The following SOX6 variants were observed in gnomAD, a reference collection of about 807,000 sequenced individuals.
SOX6 encodes SRY-box transcription factor 6, also known as transcription factor SOX-6.
A neutral mutation model predicts 97.8 loss-of-function variants in SOX6; 11 were observed. That is an observed-to-expected ratio of 0.11 (90% CI 0.07 to 0.19). The LOEUF is 0.19. Ranked by LOEUF, SOX6 falls within the 10% of genes least tolerant of loss-of-function variation. The pLI is 1.00. For missense variants in SOX6, 810 were observed against 1,039.5 expected (o/e 0.78, Z 3.04); for synonymous variants, 360 against 371.4 (o/e 0.97, Z 0.35).
At chr11:16,259,947 G>A (rs4291643) in intron 3 of SOX6, among the ~76,000 whole-genome samples, 321 of 5,708 alleles carry the variant, frequency 0.056, 4 homozygotes, top group Non-Finnish European at 0.11. Flanking sequence ...TCCCAAATAT[G>A]TGTGTGTGTG....
chr11:16,642,720 T>G (rs1008408512), intron 3 of SOX6, among the ~76,000 whole-genome samples: 9 of 152,252 alleles, frequency 5.9e-5, no homozygotes, highest in African/African-American at 2.2e-4. Context: ...TATTGAAGCA[T>G]GTGCATTTGT....
At chr11:16,327,730 C>A (rs1856146095) in intron 2 of SOX6, among the ~76,000 whole-genome samples, 2 of 151,926 alleles carry the variant, frequency 1.3e-5, no homozygotes, top group South Asian at 4.2e-4. Flanking sequence ...GCTGGGGTTG[C>A]AAAAGTCAGA....
At chr11:16,504,776 T>C (rs1367184111) in intron 4 of SOX6, among the ~76,000 whole-genome samples, 1 of 152,090 alleles carries the variant, frequency 6.6e-6, no homozygotes, top group Admixed American at 6.5e-5. Flanking sequence ...CCCATGCTGT[T>C]CTTGTAATAG....
At chr11:15,976,672 G>A (rs1399106569) in intron 15 of SOX6, among the ~76,000 whole-genome samples, 4 of 152,094 alleles carry the variant, frequency 2.6e-5, no homozygotes, top group Non-Finnish European at 5.9e-5. Context: ...CCTCTTTACC[G>A]CAGAACTGTA....
chr11:16,600,110 C>T (rs572436371), intron 4 of SOX6, among the ~76,000 whole-genome samples: 20 of 152,260 alleles, frequency 1.3e-4, no homozygotes, highest in South Asian at 8.3e-4. Flanking sequence ...AAGAGGCAAC[C>T]GCCTGCATGA....
chr11:16,090,508 C>G (rs1848661440), intron 9 of SOX6, among the ~76,000 whole-genome samples: 1 of 151,948 alleles, frequency 6.6e-6, no homozygotes, highest in African/African-American at 2.4e-5. Context: ...CCTAATCTAC[C>G]TATATTTCTT....
chr11:16,528,481 C>T (rs1305963725), intron 4 of SOX6, among the ~76,000 whole-genome samples: 1 of 152,100 alleles, frequency 6.6e-6, no homozygotes, highest in Non-Finnish European at 1.5e-5. Context: ...AAAGCATTTG[C>T]TCTTACTTCC....
chr11:16,244,276 ATATTTTCATATGCTT>A (rs1231302895), intron 3 of SOX6, among the ~76,000 whole-genome samples: 1 of 151,846 alleles, frequency 6.6e-6, no homozygotes, highest in Non-Finnish European at 1.5e-5. Flanking sequence ...GATATTGAGC[ATATTTTCATATGCTT>A]TTTGACCATT....
At chr11:16,335,300 T>C (rs1378306941) in intron 2 of SOX6, among the ~76,000 whole-genome samples, 1 of 152,150 alleles carries the variant, frequency 6.6e-6, no homozygotes, top group Non-Finnish European at 1.5e-5. Context: ...TTGAATGAAT[T>C]TCCAAAATCC....
intron 4 of SOX6, among the ~76,000 whole-genome samples, chr11:16,204,322 G>GT (rs1852015301): frequency 6.6e-6 from 1 of 152,024 alleles, no homozygotes; most frequent in Non-Finnish European, 1.5e-5. Context: ...GTTCTCATTA[G>GT]TACTAAAGCA....
chr11:16,721,331 T>C (rs1848259401), intron 2 of SOX6, among the ~76,000 whole-genome samples: 1 of 152,158 alleles, frequency 6.6e-6, no homozygotes, highest in Admixed American at 6.5e-5. Context: ...CTGATGGCTA[T>C]GGGTGATAGG....
At chr11:16,737,878 T>C (rs970232527) in intron 1 of SOX6, among the ~76,000 whole-genome samples, 1 of 152,108 alleles carries the variant, frequency 6.6e-6, no homozygotes, top group African/African-American at 2.4e-5. Flanking sequence ...ATTTTATATG[T>C]GAATTTAACC....
intron 6 of SOX6, among the ~76,000 whole-genome samples, chr11:16,118,987 T>G (rs1849421913): frequency 6.6e-6 from 1 of 151,966 alleles, no homozygotes; most frequent in Non-Finnish European, 1.5e-5. Context: ...AATAGAGAGT[T>G]CAGAAAAAGT....
At chr11:16,680,911 A>C (rs1006090127) in intron 3 of SOX6, among the ~76,000 whole-genome samples, 3 of 152,246 alleles carry the variant, frequency 2.0e-5, no homozygotes, top group Admixed American at 6.5e-5. Context: ...AGAGCTAACT[A>C]TTCTAAATAT....
rs201066442 is a variant in SOX6 at position 16,318,472 on chromosome 11, T to C, written c.419A>G (p.Glu140Gly). Residue 140 changes from glutamate (E) to glycine (G), a missense_variant, in exon 3 of 16, where the codon GAG becomes GGG. Physicochemically the swap from Glu to Gly is moderately conservative, Grantham distance 98 (BLOSUM62 -2). This residue lies in a region of SOX6 where 46 missense variants were observed against 84.1 expected (regional missense o/e 0.55). Transcript: ENST00000683767. ...CTCTTGTTCAGTCCGAGTCATTTCC[T>C]CAAGCTTCTTCTGTTTCAGTGTGTC... ...VVDTLKQKKL[E>G]EMTRTEQEDS... 17 of 1,613,340 alleles carry C rather than the reference T, an allele frequency of 1.1e-5. No individual in the cohort carries two copies. In the East Asian group the frequency reaches 3.6e-4, roughly 34 times the overall value.
intron 9 of SOX6, among the ~76,000 whole-genome samples, chr11:16,079,094 A>G (rs79076812): frequency 0.012 from 1,819 of 152,282 alleles, 35 homozygotes; most frequent in African/African-American, 0.042. Context: ...AGCAATACCC[A>G]CATAAGAATC....
chr11:16,403,834 T>A (rs540126368), intron 1 of SOX6, among the ~76,000 whole-genome samples: 6 of 151,570 alleles, frequency 4.0e-5, no homozygotes, highest in Non-Finnish European at 7.4e-5. Flanking sequence ...ACTTTTGAAC[T>A]TCTTTGGTTA....
intron 3 of SOX6, among the ~76,000 whole-genome samples, chr11:16,243,347 T>C (rs1373199235): frequency 6.6e-6 from 1 of 151,948 alleles, no homozygotes; most frequent in Non-Finnish European, 1.5e-5. Flanking sequence ...TAACTACATA[T>C]TAAGTTTCTT....
At chr11:16,708,014 T>C (rs1457181657) in intron 3 of SOX6, among the ~76,000 whole-genome samples, 9 of 152,156 alleles carry the variant, frequency 5.9e-5, no homozygotes. Flanking sequence ...AATTTGCACA[T>C]GTTACTGCTC....
Sources: allele counts gnomAD v4.1 joint callset (sites outside exome capture counted in the v4.1 genomes callset), GRCh38; gene constraint gnomAD v4.1.1; regional missense constraint gnomAD v4.1.1; transcripts MANE v1.5; gene names NCBI Gene and HGNC (gene_info 2026-07-23, HGNC 2026-07-21).